DSCAM: variants seen among roughly 807,000 people sequenced by gnomAD.
DSCAM encodes DS cell adhesion molecule.
A neutral mutation model predicts 217.7 loss-of-function variants in DSCAM; 47 were observed. The observed-to-expected ratio is 0.22, with a 90% CI of 0.17 to 0.28. DSCAM has a LOEUF of 0.28. DSCAM is among the 10% of genes least tolerant of loss of function. DSCAM has a pLI of 1.00. For missense variants in DSCAM, 2,080 were observed against 2,618.3 expected, an observed-to-expected ratio of 0.79 and a Z score of 4.49; for synonymous variants, 1,056 against 1,015.3, an observed-to-expected ratio of 1.04 and a Z score of -0.76.
At chr21:40,656,522 G>GA (rs35455991) in intron 3 of DSCAM, among the ~76,000 whole-genome samples, 30,333 of 137,774 alleles carry the variant, frequency 0.22, 3,249 homozygotes, top group East Asian at 0.39. Flanking sequence ...TGCTTCAATA[G>GA]AAAAAAAAAA....
intron 3 of DSCAM, among the ~76,000 whole-genome samples, chr21:40,492,821 A>C (rs1410790458): frequency 6.6e-6 from 1 of 152,172 alleles, no homozygotes; most frequent in Non-Finnish European, 1.5e-5. Flanking sequence ...TACTTAAAAA[A>C]CTAATAGTAT....
At chr21:40,509,677 G>C (rs570902860) in intron 3 of DSCAM, among the ~76,000 whole-genome samples, 66 of 152,264 alleles carry the variant, frequency 4.3e-4, no homozygotes, top group Admixed American at 8.5e-4. Flanking sequence ...TTCTATGAAA[G>C]AACTCATATG....
At chr21:40,378,553 TA>T (rs147892762) in intron 3 of DSCAM, among the ~76,000 whole-genome samples, 1 of 107,958 alleles carries the variant, frequency 9.3e-6, no homozygotes, top group African/African-American at 3.5e-5. Flanking sequence ...AATGAAAACT[TA>T]TTTTTTTTTT....
At chr21:40,846,159 A>C (rs1422965909) in intron 1 of DSCAM, among the ~76,000 whole-genome samples, 1 of 152,202 alleles carries the variant, frequency 6.6e-6, no homozygotes, top group African/African-American at 2.4e-5. Context: ...TTGTACTAGC[A>C]TGAAATTACG....
intron 11 of DSCAM, among the ~76,000 whole-genome samples, chr21:40,274,847 GACTA>G (rs922599795): frequency 1.3e-5 from 2 of 152,090 alleles, no homozygotes; most frequent in African/African-American, 4.8e-5. Flanking sequence ...GGAAATAGTG[GACTA>G]ACTAAAATAA....
intron 10 of DSCAM, among the ~76,000 whole-genome samples, chr21:40,295,561 G>A (rs999741919): frequency 4.6e-5 from 7 of 152,100 alleles, no homozygotes; most frequent in African/African-American, 1.7e-4. Context: ...AGCACGCCAA[G>A]GAGATGACGT....
At chr21:40,729,227 C>T (rs1363637975) in intron 1 of DSCAM, among the ~76,000 whole-genome samples, 1 of 152,130 alleles carries the variant, frequency 6.6e-6, no homozygotes, top group East Asian at 1.9e-4. Context: ...GATGAGAAAC[C>T]ATATAAACTT....
At chr21:40,513,371 G>A (rs1030703437) in intron 3 of DSCAM, 4 of 152,218 alleles carry the variant, frequency 2.6e-5, no homozygotes, top group African/African-American at 9.7e-5. Context: ...GTCTTAGTCT[G>A]TTTGGTGCTG....
At chr21:40,390,580 C>A (rs2075124948) in intron 3 of DSCAM, among the ~76,000 whole-genome samples, 1 of 152,098 alleles carries the variant, frequency 6.6e-6, no homozygotes, top group Non-Finnish European at 1.5e-5. Flanking sequence ...TTTCTGGAGG[C>A]CAGCAGTATT....
At chr21:40,344,791 C>A (rs1331832571) in intron 6 of DSCAM, among the ~76,000 whole-genome samples, 1 of 152,118 alleles carries the variant, frequency 6.6e-6, no homozygotes, top group Non-Finnish European at 1.5e-5. Context: ...TTTCTTAGAT[C>A]TGCAACCTTA....
chr21:40,716,107 T>TCTCC (rs1344774650), intron 1 of DSCAM, among the ~76,000 whole-genome samples: 1 of 152,132 alleles, frequency 6.6e-6, no homozygotes, highest in Non-Finnish European at 1.5e-5. Context: ...TACTGTCACT[T>TCTCC]CTCCTTATAT....
chr21:40,326,708 A>G (rs1234368842), intron 8 of DSCAM, among the ~76,000 whole-genome samples: 1 of 152,166 alleles, frequency 6.6e-6, no homozygotes, highest in African/African-American at 2.4e-5. Flanking sequence ...GAAAGGGCTG[A>G]GAGCTTAGTG....
intron 4 of DSCAM, among the ~76,000 whole-genome samples, chr21:40,365,236 G>A (rs1306796907): frequency 6.6e-6 from 1 of 152,068 alleles, no homozygotes; most frequent in Non-Finnish European, 1.5e-5. Context: ...ATCTGGGTGG[G>A]CACCATTAAT....
At chr21:40,662,080 C>G (rs1426909721) in intron 3 of DSCAM, among the ~76,000 whole-genome samples, 1 of 151,986 alleles carries the variant, frequency 6.6e-6, no homozygotes, top group Non-Finnish European at 1.5e-5. Context: ...TGTGTAATTA[C>G]AGAGGTTACC....
At chr21:40,436,767 G>A (rs533227323) in intron 3 of DSCAM, among the ~76,000 whole-genome samples, 6 of 152,310 alleles carry the variant, frequency 3.9e-5, no homozygotes, top group Admixed American at 1.3e-4. Context: ...GTCAAGCACT[G>A]GGTCCTTCTA....
At chr21:40,277,414 C>T (rs1413954754) in intron 10 of DSCAM, among the ~76,000 whole-genome samples, 1 of 152,100 alleles carries the variant, frequency 6.6e-6, no homozygotes, top group East Asian at 1.9e-4. Flanking sequence ...TGGTCTCACT[C>T]GAGCTCACAA....
intron 3 of DSCAM, among the ~76,000 whole-genome samples, chr21:40,446,360 A>G (rs746773553): frequency 1.9e-4 from 29 of 152,180 alleles, no homozygotes; most frequent in African/African-American, 1.2e-4. Flanking sequence ...ATGTAATCCA[A>G]TGGAAAGGTC....
intron 3 of DSCAM, among the ~76,000 whole-genome samples, chr21:40,659,206 T>C (rs2090109335): frequency 6.6e-6 from 1 of 152,228 alleles, no homozygotes; most frequent in Non-Finnish European, 1.5e-5. Flanking sequence ...GGGAAGGCTA[T>C]GATTTCTTAG....
intron 1 of DSCAM, among the ~76,000 whole-genome samples, chr21:40,739,713 T>C (rs1295954688): frequency 1.3e-5 from 2 of 152,104 alleles, no homozygotes; most frequent in Admixed American, 1.3e-4. Context: ...AAAGTACAGT[T>C]TGGCCCATAA....
Sources: allele counts gnomAD v4.1 joint callset (sites outside exome capture counted in the v4.1 genomes callset), GRCh38; gene constraint gnomAD v4.1.1; transcripts MANE v1.5; gene names NCBI Gene and HGNC (gene_info 2026-07-23, HGNC 2026-07-21).